Variants in SLC13A2 observed in about 807,000 individuals in gnomAD.
The protein encoded by SLC13A2 is Na(+)-coupled citrate transporter.
SLC13A2 carries 40 observed loss-of-function variants against 58.5 expected under a neutral mutation model. The ratio of observed to expected loss-of-function variants is 0.68; its 90% CI spans 0.53 to 0.89. The LOEUF (loss-of-function observed/expected upper bound fraction) is 0.89. Ranked by LOEUF, SLC13A2 falls within the 40% of genes least tolerant of loss-of-function variation. SLC13A2 has a pLI of 0.00. For synonymous variants in SLC13A2, 341 were observed against 331.6 expected (o/e 1.03, Z -0.31); for missense variants, 694 against 772.6 (o/e 0.90, Z 1.21).
intron 1 of SLC13A2, among the ~76,000 whole-genome samples, chr17:28,476,528 G>A (rs1348106616): frequency 6.6e-6 from 1 of 151,590 alleles, no homozygotes; most frequent in African/African-American, 2.4e-5. Flanking sequence ...CCCTCCCCCT[G>A]TGACCCACCT....
Position 28,496,695 on chromosome 17 carries a change from G to C in SLC13A2, c.1608+108G>C. On this transcript the variant is annotated intron_variant, in intron 11 of 11. Transcript: ENST00000314669. The surrounding 1 kb of genome is among the most constrained non-coding windows in gnomAD (Gnocchi z 4.2). The stretch of plus-strand genomic sequence containing the variant: ...GCCACTGAGAGTCTCAGAGTTGAGC[G>C]GGTCCTCATCTGGAATGAAGGTGCA... 1 of 1,451,898 alleles carries C rather than the reference G, an allele frequency of 6.9e-7. No individual in the cohort carries two copies. The highest frequency in any genetic ancestry group is 9.3e-7 in the Non-Finnish European group (1 of 1,079,748). The allele number at this position is 1,451,898 out of a possible 1,614,324, so 89.9% of individuals were successfully genotyped here.
Position 28,494,781 on chromosome 17 carries a change from C to T in SLC13A2, c.1308+269C>T, listed in dbSNP as rs12941530. ...GGTGGGCAGAGCCTGTTCTCAGAGA[C>T]AAATGCCATCCCACCCCAGCCCTTT... On this transcript the variant is annotated intron_variant, in intron 9 of 11. Transcript: ENST00000314669. This position sits in a 1 kb window ranked among gnomAD's most constrained non-coding sequence, Gnocchi z 4.0. Among the ~76,000 whole-genome samples the T allele has an allele frequency of 0.026, 3,999 of 152,188 alleles. 77 individuals are homozygous for T. The highest frequency in any genetic ancestry group is 0.054 in the Middle Eastern group (16 of 294).
chr17:28,480,165 A>G (rs1368308397), intron 1 of SLC13A2, among the ~76,000 whole-genome samples: 1 of 151,000 alleles, frequency 6.6e-6, no homozygotes, highest in Non-Finnish European at 1.5e-5. Context: ...AAAAAAAAAA[A>G]AAGGGGGGGT....
At chr17:28,483,968 T>C (rs1451613959) in intron 1 of SLC13A2, among the ~76,000 whole-genome samples, 1 of 152,182 alleles carries the variant, frequency 6.6e-6, no homozygotes, top group Non-Finnish European at 1.5e-5. Context: ...GTCTTCAGTC[T>C]GCCCTTCAGG....
intron 1 of SLC13A2, among the ~76,000 whole-genome samples, chr17:28,477,381 A>T (rs1173687552): frequency 5.9e-5 from 9 of 151,478 alleles, no homozygotes. Context: ...TTTTTAGTAG[A>T]GACGGGGTTT....
chr17:28,493,652 G>A lies in SLC13A2; in HGVS notation c.960G>A (p.Arg320=), dbSNP rs1177169902. ...AAYCVIQTEH[R]LLGPMTFAEK... The stretch of plus-strand genomic sequence containing the variant: ...ACTGCGTCATCCAGACCGAGCACAG[G>A]CTGCTGGGCCCCATGACCTTTGCAG... Residue 320 remains arginine, a synonymous_variant, in exon 7 of 12, where the codon AGG becomes AGA. Transcript: ENST00000314669. The A allele has an allele frequency of 6.2e-7, 1 of 1,614,098 alleles. No individual in the cohort carries two copies. The highest frequency in any genetic ancestry group is 1.3e-5 in the African/African-American group (1 of 74,950).
At chr17:28,495,084 G>A (rs1442537672) in intron 9 of SLC13A2, among the ~76,000 whole-genome samples, 1 of 152,172 alleles carries the variant, frequency 6.6e-6, no homozygotes, top group Non-Finnish European at 1.5e-5. Flanking sequence ...CACTGACTGT[G>A]CCCAGTCCTG....
intron 1 of SLC13A2, among the ~76,000 whole-genome samples, chr17:28,486,088 G>A (rs2068875736): frequency 6.6e-6 from 1 of 152,084 alleles, no homozygotes; most frequent in Non-Finnish European, 1.5e-5. Context: ...TGAAATACAG[G>A]TATCAAAATA....
chr17:28,481,454 A>G (rs1195977950), intron 1 of SLC13A2, among the ~76,000 whole-genome samples: 1 of 152,230 alleles, frequency 6.6e-6, no homozygotes, highest in Admixed American at 6.5e-5. Flanking sequence ...AGAATGGTCA[A>G]AAGGGAAGGC....
intron 1 of SLC13A2, among the ~76,000 whole-genome samples, chr17:28,485,877 C>T (rs1022028449): frequency 6.6e-6 from 1 of 152,024 alleles, no homozygotes; most frequent in Non-Finnish European, 1.5e-5. Context: ...TGCCTGTAGT[C>T]CCAGCTATTT....
intron 1 of SLC13A2, among the ~76,000 whole-genome samples, chr17:28,477,702 T>A (rs2068713375): frequency 6.6e-6 from 1 of 152,242 alleles, no homozygotes; most frequent in Admixed American, 6.5e-5. Flanking sequence ...TTTTATGTGC[T>A]TGACATTATG....
chr17:28,479,412 A>T (rs535132477), intron 1 of SLC13A2, among the ~76,000 whole-genome samples: 2 of 152,152 alleles, frequency 1.3e-5, no homozygotes, highest in East Asian at 3.9e-4. Context: ...TTTAGAGAAG[A>T]GGGTTGAGGT....
chr17:28,496,504 A>C lies in SLC13A2; in HGVS notation c.1525A>C (p.Thr509Pro). 1 of 1,612,120 alleles carries C rather than the reference A, an allele frequency of 6.2e-7. No individual in the cohort carries two copies. The highest frequency in any genetic ancestry group is 8.5e-7 in the Non-Finnish European group (1 of 1,179,074). ...CGTCATGCTCCCCTGCACTCTGGCCACCTCCCTGGCCTTCATGTTGCCTGT... is the reference window on the plus strand; with the variant it reads ...CGTCATGCTCCCCTGCACTCTGGCCCCCTCCCTGGCCTTCATGTTGCCTGT... ...LYVMLPCTLATSLAFMLPVAT... is the reference protein window; with the variant it reads ...LYVMLPCTLAPSLAFMLPVAT... Residue 509 changes from threonine (T) to proline (P), a missense_variant, in exon 11 of 12, where the codon ACC becomes CCC. Thr to Pro is a conservative substitution (Grantham distance 38). Coordinates refer to ENST00000314669, the MANE Select transcript of SLC13A2 (RefSeq NM_003984.4). The surrounding 1 kb of genome is among the most constrained non-coding windows in gnomAD (Gnocchi z 4.2).
Position 28,489,227 on chromosome 17 carries a change from C to G in SLC13A2, c.116C>G (p.Ala39Gly). ...TCCCACCTGCAGGAGGCCTACTGCG[C>G]GTATGCCATCATCCTCATGGCGCTC... ...ILVPSKEAYC[A>G]YAIILMALFW... is the part of the protein sequence containing the mutation. The change falls in exon 2 of 12, where the codon GCG becomes GGG. Residue 39 changes from alanine (A) to glycine (G), a missense_variant. By Grantham distance (60) the Ala-to-Gly change is moderately conservative (BLOSUM62 0). Transcript: ENST00000314669. 1.2e-6 allele frequency: 2 copies of G among 1,613,766 alleles called. No individual in the cohort carries two copies. Among genetic ancestry groups the G allele is most frequent in the Non-Finnish European group, 1.7e-6 (2 of 1,179,986 alleles).
intron 1 of SLC13A2, among the ~76,000 whole-genome samples, chr17:28,483,187 A>G (rs1340336366): frequency 6.6e-6 from 1 of 151,978 alleles, no homozygotes; most frequent in Non-Finnish European, 1.5e-5. Flanking sequence ...CCTGCCACAC[A>G]CCCCGGGTCC....
At chr17:28,478,016 C>G (rs1376026111) in intron 1 of SLC13A2, among the ~76,000 whole-genome samples, 1 of 151,992 alleles carries the variant, frequency 6.6e-6, no homozygotes, top group Admixed American at 6.6e-5. Flanking sequence ...TGAGATTGTG[C>G]CACTGCACTC....
In SLC13A2 at chr17:28,477,464, G is replaced by A. The variant is rs569040131; in HGVS notation, c.102+3650G>A. ...CCGCCTTGGCCTCCCAAAGTGCTGG[G>A]ATTACAGGCGTGAGCCACCATGCCC... On this transcript the variant is annotated intron_variant, in intron 1 of 11. Transcript: ENST00000314669. Among the ~76,000 whole-genome samples the A allele has an allele frequency of 4.2e-3, 631 of 151,934 alleles. 5 individuals are homozygous for A. The highest frequency in any genetic ancestry group is 0.014 in the African/African-American group (598 of 41,552).
At position 28,497,330 on chromosome 17, in the gene SLC13A2, G is replaced by A. The variant is rs549357606; in HGVS notation, c.*61G>A. On this transcript the variant is annotated 3_prime_UTR_variant, in exon 12 of 12. Transcript: ENST00000314669. Reference sequence around the variant, plus strand: ...ACCCCATTCCCACTCCTCTGAGCCCGGAGGGGACACCCCAAGCTCCAAGCT... The same window carrying A: ...ACCCCATTCCCACTCCTCTGAGCCCAGAGGGGACACCCCAAGCTCCAAGCT... The A allele has an allele frequency of 4.8e-5, 75 of 1,547,098 alleles. 1 individual carries two copies. In the African/African-American group the frequency reaches 5.4e-4, roughly 11 times the overall value.
At chr17:28,477,429 C>G (rs575928294) in intron 1 of SLC13A2, among the ~76,000 whole-genome samples, 1 of 151,680 alleles carries the variant, frequency 6.6e-6, no homozygotes, top group South Asian at 2.1e-4. Context: ...CTCCTGACCT[C>G]GTGATCCGCC....
Sources: gnomAD v4.1 joint callset for allele counts (sites outside exome capture counted in the v4.1 genomes callset) on GRCh38, gnomAD v4.1.1 for gene constraint, Gnocchi (gnomAD v3.1) non-coding constraint, MANE v1.5 for transcripts, NCBI Gene and HGNC (gene_info 2026-07-23, HGNC 2026-07-21) for gene names.